Variants in DNAH6 observed in about 807,000 individuals in gnomAD.
DNAH6 encodes the protein dynein axonemal heavy chain 6.
A neutral mutation model predicts 491.4 loss-of-function variants in DNAH6; 340 were observed. That is an observed-to-expected ratio of 0.69 (90% CI 0.63 to 0.76). The LOEUF (loss-of-function observed/expected upper bound fraction) is 0.76. DNAH6 is among the 30% of genes least tolerant of loss of function. The pLI, the probability that DNAH6 is intolerant of heterozygous loss-of-function variation, is 0.00. For synonymous variants in DNAH6, 1,603 were observed against 1,686.1 expected (o/e 0.95, Z 1.21); for missense variants, 4,443 against 4,972.2 (o/e 0.89, Z 3.20).
chr2:84,733,849 G>T (rs1699311609), intron 62 of DNAH6, among the ~76,000 whole-genome samples: 1 of 150,592 alleles, frequency 6.6e-6, no homozygotes, highest in Non-Finnish European at 1.5e-5. Context: ...ATACATTTGT[G>T]TATTGCTTTA....
In DNAH6 at chr2:84,557,951, C is replaced by G; in HGVS notation, c.1803+16C>G. ...TCAAATAAAGGTATGTTTACTCTGA[C>G]TAAAACTATTCTATAATATTCTCAA... On this transcript the variant is annotated intron_variant, in intron 11 of 76. Transcript: ENST00000389394. The G allele has an allele frequency of 6.6e-7, 1 of 1,510,170 alleles. No homozygotes were observed. Among genetic ancestry groups the G allele is most frequent in the Non-Finnish European group, 9.1e-7 (1 of 1,095,086 alleles). The allele number at this position is 1,510,170 out of a possible 1,614,324, so 93.5% of individuals were successfully genotyped here. A position where few individuals can be genotyped will look rare whatever the true frequency, so the allele number is the denominator to read the frequency against.
chr2:84,607,059 A>G lies in DNAH6; in HGVS notation c.3258A>G (p.Glu1086=). The change falls in exon 21 of 77, where the codon GAA becomes GAG. Residue 1086 remains glutamate, a synonymous_variant. Transcript: ENST00000389394. ...GTCCACTGAAAACTCGAGTGGATGA[A>G]TGGCAAAAACAACTTGCTTTATTTA... is the stretch of plus-strand genomic sequence containing the variant. ...YLGPLKTRVD[E]WQKQLALFNQ... The G allele has an allele frequency of 1.9e-6, 3 of 1,551,474 alleles. No individual in the cohort carries two copies. The highest frequency in any genetic ancestry group is 2.6e-6 in the Non-Finnish European group (3 of 1,146,812).
chr2:84,573,837 A>T (rs1419112513), intron 12 of DNAH6, among the ~76,000 whole-genome samples: 2 of 152,198 alleles, frequency 1.3e-5, no homozygotes, highest in South Asian at 4.1e-4. Flanking sequence ...CTTATCATTT[A>T]GTTTAAAGTT....
chr2:84,510,884 C>T, the DNAH6 span, among the ~76,000 whole-genome samples: 1 of 152,222 alleles, frequency 6.6e-6, no homozygotes, highest in Non-Finnish European at 1.5e-5. Context: ...GGCTGCAGAA[C>T]AGCAGATATT....
intron 62 of DNAH6, among the ~76,000 whole-genome samples, chr2:84,737,014 G>C (rs1363995730): frequency 2.0e-5 from 3 of 151,972 alleles, no homozygotes; most frequent in African/African-American, 7.2e-5. Flanking sequence ...TTGATGCCTA[G>C]TTTGTTGAGG....
At chr2:84,481,780 A>G in the DNAH6 span, among the ~76,000 whole-genome samples, 2 of 152,302 alleles carry the variant, frequency 1.3e-5, no homozygotes, top group South Asian at 2.1e-4. Flanking sequence ...ACAAAGAGTT[A>G]GAGGTGACAG....
chr2:84,811,744 C>T (rs1185392464), intron 72 of DNAH6, among the ~76,000 whole-genome samples: 1 of 151,972 alleles, frequency 6.6e-6, no homozygotes, highest in Non-Finnish European at 1.5e-5. Context: ...GCCTGTAATC[C>T]CAACTACTTG....
At chr2:84,628,739 T>A (rs1688110762) in intron 29 of DNAH6, among the ~76,000 whole-genome samples, 1 of 152,142 alleles carries the variant, frequency 6.6e-6, no homozygotes, top group African/African-American at 2.4e-5. Context: ...CTAGAAAATG[T>A]CAGAGAAAGA....
chr2:84,588,700 T>C lies in DNAH6; in HGVS notation c.2482-126T>C, dbSNP rs929938182. ...TTCAGGAAAACAATAATTTTAAACA[T>C]CATTTCTAAAAATCAAAAAGAAAAG... On this transcript the variant is annotated intron_variant, in intron 15 of 76. Transcript: ENST00000389394. The C allele has an allele frequency of 3.2e-6, 3 of 938,306 alleles. No individual in the cohort carries two copies. In the African/African-American group the frequency reaches 5.1e-5, roughly 16 times the overall value. The allele number at this position is 938,306 out of a possible 1,614,324, so 58.1% of individuals were successfully genotyped here.
intron 4 of DNAH6, 76 bp downstream of exon 4, chr2:84,529,242 A>C: frequency 9.3e-7 from 1 of 1,077,432 alleles, no homozygotes. Flanking sequence ...AATTGATTGG[A>C]TATTAATAAT....
chr2:84,771,288 C>CA (rs996933035), intron 64 of DNAH6, among the ~76,000 whole-genome samples: 1,345 of 117,278 alleles, frequency 0.011, 14 homozygotes, highest in African/African-American at 0.032. Context: ...AACTCAGTCT[C>CA]AAAAAAAAAA....
At chr2:84,741,676 T>TC (rs1672538602) in intron 62 of DNAH6, among the ~76,000 whole-genome samples, 1 of 152,104 alleles carries the variant, frequency 6.6e-6, no homozygotes, top group Non-Finnish European at 1.5e-5. Flanking sequence ...GTGCCCGTTC[T>TC]CCCCTCTCCC....
At chr2:84,713,397 C>A in intron 57 of DNAH6, 138 bp downstream of exon 57, 1 of 783,400 alleles carries the variant, frequency 1.3e-6, no homozygotes, top group Non-Finnish European at 2.0e-6. Flanking sequence ...CCCTTTCTTC[C>A]ACCATCTTCC....
At chr2:84,572,439 C>A (rs190033370) in intron 11 of DNAH6, among the ~76,000 whole-genome samples, 3 of 152,074 alleles carry the variant, frequency 2.0e-5, no homozygotes, top group African/African-American at 7.3e-5. Context: ...TTTCTAGCAC[C>A]TGCATGATGA....
chr2:84,807,942 C>A (rs1679580095), intron 71 of DNAH6, among the ~76,000 whole-genome samples: 1 of 152,124 alleles, frequency 6.6e-6, no homozygotes, highest in African/African-American at 2.4e-5. Flanking sequence ...TCCAGTCCTC[C>A]TTCTACATTA....
Position 84,705,204 on chromosome 2 carries a change from A to G in DNAH6, c.8466-282A>G, listed in dbSNP as rs371174670. ...AAATGTGAGTGCCTGCGGCGTTTTA[A>G]AAATAAAACTATTGTTTCTATAATG... On this transcript the variant is annotated intron_variant, in intron 51 of 76. Coordinates refer to ENST00000389394, the MANE Select transcript of DNAH6 (RefSeq NM_001370.2). 6.5e-4 allele frequency among the ~76,000 whole-genome samples: 99 copies of G among 152,316 alleles called. 1 individual carries two copies. Among genetic ancestry groups the G allele is most frequent in the African/African-American group, 2.3e-3 (96 of 41,574 alleles).
the DNAH6 span, among the ~76,000 whole-genome samples, chr2:84,471,080 G>A: frequency 6.6e-6 from 1 of 152,168 alleles, no homozygotes; most frequent in African/African-American, 2.4e-5. Context: ...CTAGAAGCAA[G>A]GAGCCAGCAA....
At chr2:84,805,857 A>G in intron 71 of DNAH6, 63 bp downstream of exon 71, 1 of 1,447,674 alleles carries the variant, frequency 6.9e-7, no homozygotes, top group Non-Finnish European at 9.2e-7. Flanking sequence ...CAGAGAACTG[A>G]GTGATAAACA....
intron 2 of DNAH6, among the ~76,000 whole-genome samples, chr2:84,525,252 G>A (rs984933542): frequency 6.6e-6 from 1 of 151,980 alleles, no homozygotes; most frequent in Non-Finnish European, 1.5e-5. Flanking sequence ...AGTAAATGAT[G>A]GGGGTTTGTA....
Sources: gnomAD v4.1 joint callset for allele counts (sites outside exome capture counted in the v4.1 genomes callset) on GRCh38, gnomAD v4.1.1 for gene constraint, MANE v1.5 for transcripts, NCBI Gene and HGNC (gene_info 2026-07-23, HGNC 2026-07-21) for gene names.